The following PRC1 variants were observed in gnomAD, a reference collection of about 807,000 sequenced individuals.
PRC1 encodes the protein anaphase spindle elongation 1 homolog.
A neutral mutation model predicts 91.2 loss-of-function variants in PRC1; 54 were observed. The ratio of observed to expected loss-of-function variants is 0.59; its 90% CI spans 0.48 to 0.74. PRC1 has a LOEUF of 0.74. PRC1 is among the 30% of genes least tolerant of loss of function. The pLI, the probability that PRC1 is intolerant of heterozygous loss-of-function variation, is 0.00. For synonymous variants in PRC1, 275 were observed against 263.6 expected (o/e 1.04, Z -0.42); for missense variants, 727 against 746.2 (o/e 0.97, Z 0.30).
intron 1 of PRC1, among the ~76,000 whole-genome samples, chr15:90,993,273 G>A (rs921302986): frequency 6.8e-6 from 1 of 147,858 alleles, no homozygotes; most frequent in East Asian, 2.0e-4. Flanking sequence ...GCAGTGTCGA[G>A]ATGTCGGCTC....
rs767316179 is a variant in PRC1 at position 90,984,105 on chromosome 15, G to A, written c.180C>T (p.Ser60=). Residue 60 remains serine (S), a synonymous_variant, in exon 3 of 15, where the codon AGC becomes AGT. Transcript: ENST00000394249. This position sits in a 1 kb window ranked among gnomAD's most constrained non-coding sequence, Gnocchi z 5.1. ...LLDMMIAEEE[S]LKERLIKSIS... is the part of the protein sequence containing the mutation. ...TGCTTTTGATGAGTCTTTCCTTCAG[G>A]CTTTCCTCTTCAGCAATCATCATAT... 1.2e-6 allele frequency: 2 copies of A among 1,614,066 alleles called. No homozygotes were observed. Among genetic ancestry groups the A allele is most frequent in the South Asian group, 2.2e-5 (2 of 91,078 alleles).
intron 1 of PRC1, among the ~76,000 whole-genome samples, chr15:90,989,308 T>A (rs2039807027): frequency 6.6e-6 from 1 of 151,772 alleles, no homozygotes; most frequent in African/African-American, 2.4e-5. Context: ...AGTGCAGTGG[T>A]GTGATCATAG....
intron 11 of PRC1, chr15:90,973,120 A>G (rs2038311513): frequency 6.6e-6 from 1 of 152,332 alleles, no homozygotes; most frequent in Non-Finnish European, 1.5e-5. Flanking sequence ...GGGAAAAGAA[A>G]GATCAGAGTG....
At chr15:90,973,990 T>C (rs1002194897) in intron 11 of PRC1, 146 bp downstream of exon 11, 2 of 661,360 alleles carry the variant, frequency 3.0e-6, no homozygotes, top group Non-Finnish European at 2.6e-6. Context: ...CTCTATACTT[T>C]GTGTCTTATT....
At chr15:90,985,557 T>C (rs2039513757) in intron 1 of PRC1, among the ~76,000 whole-genome samples, 1 of 129,240 alleles carries the variant, frequency 7.7e-6, no homozygotes, top group South Asian at 2.5e-4. Flanking sequence ...TTATTTATTT[T>C]TATTTTCTTT....
intron 3 of PRC1, among the ~76,000 whole-genome samples, chr15:90,983,506 C>T (rs1039338707): frequency 2.0e-5 from 3 of 152,208 alleles, no homozygotes; most frequent in African/African-American, 7.2e-5. Context: ...GATGTCATGG[C>T]ATGCTCTGAA....
At chr15:90,970,737 C>G (rs540923090) in intron 11 of PRC1, among the ~76,000 whole-genome samples, 1 of 152,332 alleles carries the variant, frequency 6.6e-6, no homozygotes, top group African/African-American at 2.4e-5. Context: ...TACAATGGTA[C>G]AACCACTGTG....
At chr15:90,989,392 C>T (rs758053987) in intron 1 of PRC1, among the ~76,000 whole-genome samples, 15 of 149,600 alleles carry the variant, frequency 1.0e-4, no homozygotes, top group Non-Finnish European at 1.9e-4. Flanking sequence ...GGACCATAGA[C>T]GTGCCATCGT....
intron 1 of PRC1, among the ~76,000 whole-genome samples, chr15:90,990,421 T>G (rs1194515802): frequency 6.6e-6 from 1 of 150,610 alleles, no homozygotes; most frequent in Non-Finnish European, 1.5e-5. Context: ...AGGTAGAGTC[T>G]CTCTATGTTG....
In PRC1 at chr15:90,969,539, C is replaced by T. The variant is rs758722256; in HGVS notation, c.1657G>A (p.Gly553Ser). 6 of 1,613,650 alleles carry T rather than the reference C, an allele frequency of 3.7e-6. No individual in the cohort carries two copies. The highest frequency in any genetic ancestry group is 1.3e-5 in the African/African-American group (1 of 74,994). The change falls in exon 13 of 15, where the codon GGC (glycine) becomes AGC (serine). Residue 553 changes from glycine (G) to serine (S), a missense_variant. By Grantham distance (56) the Gly-to-Ser change is moderately conservative. Coordinates refer to ENST00000394249, the MANE Select transcript of PRC1 (RefSeq NM_003981.4). ...GANKENLELN[G>S]SILSGGYPGS... The stretch of plus-strand genomic sequence containing the variant: ...GGGTACCCACCACTCAGGATGCTGC[C>T]GTTGAGCTCCAGGTTCTCCTTGTTG...
chr15:90,968,184 G>C, intron 14 of PRC1: 1 of 985,460 alleles, frequency 1.0e-6, no homozygotes, highest in African/African-American at 1.7e-5. Flanking sequence ...AATGGGCCTT[G>C]GTTGAACAAG....
At chr15:90,973,744 T>A (rs2038397451) in intron 11 of PRC1, among the ~76,000 whole-genome samples, 1 of 152,168 alleles carries the variant, frequency 6.6e-6, no homozygotes, top group Non-Finnish European at 1.5e-5. Context: ...AGCATAAATC[T>A]GGCCTACGTG....
At chr15:90,972,380 C>G (rs1470941874) in intron 11 of PRC1, among the ~76,000 whole-genome samples, 1 of 151,616 alleles carries the variant, frequency 6.6e-6, no homozygotes, top group African/African-American at 2.4e-5. Context: ...AAGACACTGT[C>G]TAAAAATAAT....
chr15:90,980,776 G>A, intron 6 of PRC1, 108 bp downstream of exon 6: 1 of 1,470,992 alleles, frequency 6.8e-7, no homozygotes, highest in Non-Finnish European at 9.3e-7. Context: ...AAAGTGCTGG[G>A]ATTAGAGGCA....
At chr15:90,994,303 C>T in intron 1 of PRC1, 104 bp downstream of exon 1, 2 of 1,561,024 alleles carry the variant, frequency 1.3e-6, no homozygotes, top group Non-Finnish European at 1.7e-6. Flanking sequence ...CCGTGACGAT[C>T]TAGGCCCGGG....
At chr15:90,990,079 C>A (rs2039873087) in intron 1 of PRC1, among the ~76,000 whole-genome samples, 1 of 152,070 alleles carries the variant, frequency 6.6e-6, no homozygotes, top group Non-Finnish European at 1.5e-5. Flanking sequence ...TGGATCACTC[C>A]TGTAATCCCA....
chr15:90,971,176 A>C (rs535542441), intron 11 of PRC1, among the ~76,000 whole-genome samples: 1 of 152,338 alleles, frequency 6.6e-6, no homozygotes, highest in East Asian at 1.9e-4. Context: ...AGGTAATACA[A>C]AGAGGCACTA....
Position 90,974,711 on chromosome 15 carries a change from T to G in PRC1, c.1224A>C (p.Ala408=). ...MLPKLEEELK[A]RIELWEQEHS... is the part of the protein sequence containing the mutation. ...GTTCCTGTTCCCACAATTCAATTCGTGCCTTCAACTCTTCTTCCAGCTGAG... is the reference window on the plus strand; with the variant it reads ...GTTCCTGTTCCCACAATTCAATTCGGGCCTTCAACTCTTCTTCCAGCTGAG... The change falls in exon 10 of 15, where the codon GCA becomes GCC. Residue 408 remains alanine (A), a synonymous_variant. Coordinates refer to ENST00000394249, the MANE Select transcript of PRC1 (RefSeq NM_003981.4). The surrounding 1 kb of genome is among the most constrained non-coding windows in gnomAD (Gnocchi z 4.6). The G allele has an allele frequency of 1.9e-6, 3 of 1,614,258 alleles. No individual in the cohort carries two copies. Among genetic ancestry groups the G allele is most frequent in the South Asian group, 1.1e-5 (1 of 91,084 alleles).
chr15:90,971,960 G>A (rs2038172247), intron 11 of PRC1, among the ~76,000 whole-genome samples: 1 of 151,946 alleles, frequency 6.6e-6, no homozygotes, highest in Non-Finnish European at 1.5e-5. Context: ...CCCAGGAGGT[G>A]TAGGTTGCAG....
Sources: allele counts gnomAD v4.1 joint callset (sites outside exome capture counted in the v4.1 genomes callset), GRCh38; gene constraint gnomAD v4.1.1; non-coding constraint Gnocchi (gnomAD v3.1); transcripts MANE v1.5; gene names NCBI Gene and HGNC (gene_info 2026-07-23, HGNC 2026-07-21).